Variants in TRPM3 observed in about 807,000 individuals in gnomAD.
TRPM3 encodes the protein transient receptor potential cation channel subfamily M member 3, also known as long transient receptor potential channel 3.
TRPM3 carries 77 observed loss-of-function variants against 181.2 expected under a neutral mutation model. The observed-to-expected ratio is 0.42, with a 90% CI of 0.35 to 0.51. TRPM3 has a LOEUF of 0.51. Ranked by LOEUF, TRPM3 falls within the 20% of genes least tolerant of loss-of-function variation. The pLI, the probability that TRPM3 is intolerant of heterozygous loss-of-function variation, is 0.01. For synonymous variants in TRPM3, 745 were observed against 796.4 expected, an observed-to-expected ratio of 0.94 and a Z score of 1.09; for missense variants, 1,759 against 2,196.7, an observed-to-expected ratio of 0.80 and a Z score of 3.98.
intron 9 of TRPM3, among the ~76,000 whole-genome samples, chr9:70,641,407 CTCA>C (rs2058043337): frequency 6.6e-6 from 1 of 152,126 alleles, no homozygotes; most frequent in African/African-American, 2.4e-5. Context: ...GGAGGGTGCT[CTCA>C]TCAACTAGCG....
At chr9:70,575,193 C>T (rs1315808171) in intron 22 of TRPM3, among the ~76,000 whole-genome samples, 4 of 151,428 alleles carry the variant, frequency 2.6e-5, no homozygotes, top group East Asian at 3.9e-4. Flanking sequence ...CATCCTCCCT[C>T]CTCATTTTAA....
intron 1 of TRPM3, among the ~76,000 whole-genome samples, chr9:71,218,726 A>G (rs1186366601): frequency 6.6e-6 from 1 of 152,262 alleles, no homozygotes; most frequent in East Asian, 1.9e-4. Flanking sequence ...GATTGCCTAA[A>G]GAGCAAAAAT....
chr9:71,041,919 C>A (rs1045207944), intron 1 of TRPM3, among the ~76,000 whole-genome samples: 2 of 151,986 alleles, frequency 1.3e-5, no homozygotes, highest in Non-Finnish European at 2.9e-5. Flanking sequence ...TTATATTGTC[C>A]CCTCTGTATA....
intron 8 of TRPM3, among the ~76,000 whole-genome samples, chr9:70,759,154 G>C (rs989279608): frequency 6.6e-6 from 1 of 151,816 alleles, no homozygotes; most frequent in Non-Finnish European, 1.5e-5. Flanking sequence ...AAACAACCCC[G>C]TCAAAAAGTG....
At position 71,040,570 on chromosome 9, in the gene TRPM3, G is replaced by A. The variant is rs529411378; in HGVS notation, c.177+80608C>T. ...CCTTTGATTAGAATTAAAAACATCA[G>A]CATTTGGCAACCATCATGGTTATAA... On this transcript the variant is annotated intron_variant, in intron 1 of 25. Coordinates refer to ENST00000677713, the MANE Select transcript of TRPM3 (RefSeq NM_001366145.2). Among the ~76,000 whole-genome samples, 52 of 152,242 alleles carry A rather than the reference G, an allele frequency of 3.4e-4. 2 individuals are homozygous for A. The Middle Eastern group carries it at 0.024, about 70-fold the overall frequency.
At chr9:71,367,636 A>G (rs937855874) in intron 1 of TRPM3, among the ~76,000 whole-genome samples, 7 of 152,204 alleles carry the variant, frequency 4.6e-5, no homozygotes, top group Non-Finnish European at 1.0e-4. Context: ...AAAAAGATCT[A>G]GTCCAGGTTC....
intron 1 of TRPM3, among the ~76,000 whole-genome samples, chr9:70,869,831 C>T (rs2095751100): frequency 6.6e-6 from 1 of 151,788 alleles, no homozygotes; most frequent in Non-Finnish European, 1.5e-5. Flanking sequence ...TTGGGGTGGC[C>T]CAATGGAGAG....
chr9:70,904,625 C>A (rs1480542858), intron 1 of TRPM3, among the ~76,000 whole-genome samples: 3 of 152,024 alleles, frequency 2.0e-5, no homozygotes, highest in African/African-American at 7.3e-5. Context: ...CTATACAGAC[C>A]CCGATGGCCA....
At chr9:71,197,933 T>C (rs1027207723) in intron 1 of TRPM3, among the ~76,000 whole-genome samples, 2 of 151,290 alleles carry the variant, frequency 1.3e-5, no homozygotes, top group African/African-American at 2.4e-5. Context: ...GTTTCAGACA[T>C]GAAGTCCTTG....
At chr9:71,155,317 TC>T (rs2075935630) in intron 1 of TRPM3, among the ~76,000 whole-genome samples, 1 of 151,852 alleles carries the variant, frequency 6.6e-6, no homozygotes, top group African/African-American at 2.4e-5. Flanking sequence ...AAAGTTCCTA[TC>T]TTTTTTTTCT....
chr9:71,163,155 G>T (rs1194485049), intron 1 of TRPM3, among the ~76,000 whole-genome samples: 1 of 152,166 alleles, frequency 6.6e-6, no homozygotes, highest in Admixed American at 6.6e-5. Flanking sequence ...GAGGTGACAT[G>T]ATTAAAAATT....
chr9:70,959,590 C>G (rs1011785231), intron 1 of TRPM3, among the ~76,000 whole-genome samples: 4 of 152,064 alleles, frequency 2.6e-5, no homozygotes, highest in Non-Finnish European at 4.4e-5. Flanking sequence ...AAGGTAAACA[C>G]AATTAAGAAA....
intron 25 of TRPM3, among the ~76,000 whole-genome samples, chr9:70,541,132 A>AG (rs966273254): frequency 5.3e-5 from 8 of 152,170 alleles, no homozygotes; most frequent in Non-Finnish European, 7.3e-5. Context: ...AAGGTACAGG[A>AG]GGAAGAGTCT....
intron 1 of TRPM3, among the ~76,000 whole-genome samples, chr9:70,912,831 T>C (rs1227867902): frequency 1.3e-5 from 2 of 152,192 alleles, no homozygotes; most frequent in Non-Finnish European, 2.9e-5. Context: ...TACAATGCTA[T>C]TGAGGTACAA....
intron 1 of TRPM3, among the ~76,000 whole-genome samples, chr9:71,086,925 T>C (rs75974532): frequency 0.052 from 7,908 of 152,090 alleles, 348 homozygotes; most frequent in Admixed American, 0.13. Flanking sequence ...TGCCTTTCTC[T>C]AGTCCTGGCC....
At chr9:71,323,949 G>T (rs975437410) in intron 1 of TRPM3, among the ~76,000 whole-genome samples, 1 of 152,158 alleles carries the variant, frequency 6.6e-6, no homozygotes, top group Non-Finnish European at 1.5e-5. Context: ...AAGCTAGCCT[G>T]AGTGGGCTTC....
intron 9 of TRPM3, among the ~76,000 whole-genome samples, chr9:70,648,008 G>A (rs748450460): frequency 4.1e-4 from 63 of 152,084 alleles, no homozygotes; most frequent in Non-Finnish European, 7.2e-4. Context: ...GATCTCTATA[G>A]CAAGAATTAT....
chr9:70,750,238 T>C (rs868644623), intron 8 of TRPM3, among the ~76,000 whole-genome samples: 17 of 152,164 alleles, frequency 1.1e-4, no homozygotes, highest in African/African-American at 2.7e-4. Flanking sequence ...CAGAAGAGAA[T>C]CTTTTCCCAG....
chr9:71,340,881 AG>A (rs2090916027), intron 1 of TRPM3, among the ~76,000 whole-genome samples: 1 of 152,100 alleles, frequency 6.6e-6, no homozygotes, highest in African/African-American at 2.4e-5. Flanking sequence ...AAACTATACA[AG>A]AGAACCCTGG....
Sources: gnomAD v4.1 joint callset for allele counts (sites outside exome capture counted in the v4.1 genomes callset) on GRCh38, gnomAD v4.1.1 for gene constraint, MANE v1.5 for transcripts, NCBI Gene and HGNC (gene_info 2026-07-23, HGNC 2026-07-21) for gene names.